Variants in SP100 observed in about 807,000 individuals in gnomAD.
The protein encoded by SP100 is SP100 nuclear body protein.
A neutral mutation model predicts 130.0 loss-of-function variants in SP100; 84 were observed. The observed-to-expected ratio is 0.65, with a 90% CI of 0.54 to 0.77. SP100 has a LOEUF of 0.77. Ranked by LOEUF, SP100 falls within the 30% of genes least tolerant of loss-of-function variation. The pLI is 0.00. For synonymous variants in SP100, 331 were observed against 351.7 expected (o/e 0.94, Z 0.66); for missense variants, 978 against 1,052.2 (o/e 0.93, Z 0.97).
At chr2:230,500,471 C>T (rs2150060030) in intron 19 of SP100, among the ~76,000 whole-genome samples, 1 of 152,308 alleles carries the variant, frequency 6.6e-6, no homozygotes, top group African/African-American at 2.4e-5. Context: ...GAAAGGAAAT[C>T]CCTGCAGTCC....
chr2:230,511,487 G>A (rs1227291559), intron 24 of SP100, among the ~76,000 whole-genome samples: 1 of 152,174 alleles, frequency 6.6e-6, no homozygotes, highest in Non-Finnish European at 1.5e-5. Flanking sequence ...CGATTAGGGA[G>A]AAGGATCAAA....
chr2:230,503,041 T>G (rs2067124759), intron 19 of SP100, 25 bp from the exon 20 acceptor site: 1 of 1,567,624 alleles, frequency 6.4e-7, no homozygotes, highest in Admixed American at 1.8e-5. Context: ...AAAGAGACAT[T>G]TATGTTGTTT....
intron 10 of SP100, among the ~76,000 whole-genome samples, chr2:230,463,057 T>C (rs2064749685): frequency 6.6e-6 from 1 of 152,230 alleles, no homozygotes; most frequent in Admixed American, 6.5e-5. Context: ...ATGGCACATT[T>C]AGTGATTTTT....
chr2:230,486,368 C>T (rs533129605), intron 17 of SP100, among the ~76,000 whole-genome samples: 1 of 152,292 alleles, frequency 6.6e-6, no homozygotes, highest in South Asian at 2.1e-4. Context: ...GTGTTCCCCT[C>T]CCTGTGTCCA....
chr2:230,499,801 C>T (rs1172964896), intron 19 of SP100, among the ~76,000 whole-genome samples: 1 of 152,058 alleles, frequency 6.6e-6, no homozygotes, highest in African/African-American at 2.4e-5. Context: ...GTCTCTCATT[C>T]CCTGACATTC....
At chr2:230,513,606 G>C (rs1323829520) in intron 24 of SP100, among the ~76,000 whole-genome samples, 1 of 152,070 alleles carries the variant, frequency 6.6e-6, no homozygotes, top group African/African-American at 2.4e-5. Context: ...TTGTCAATGG[G>C]AAGGCTTATT....
Position 230,444,503 on chromosome 2 carries a change from G to A in SP100, c.439+157G>A, listed in dbSNP as rs146444117. Among the ~76,000 whole-genome samples, 1,406 of 152,204 alleles carry A rather than the reference G, an allele frequency of 9.2e-3. 23 individuals are homozygous for A. The highest frequency in any genetic ancestry group is 0.032 in the African/African-American group (1,343 of 41,518). ...CATGAGTCTTCTCTTAGCTCATGGC[G>A]TATGGCTATGGTAAAACAAGTACCC... On this transcript the variant is annotated intron_variant, in intron 4 of 28. Coordinates refer to ENST00000340126, the MANE Select transcript of SP100 (RefSeq NM_001080391.2).
At chr2:230,432,649 T>C (rs2063133735) in intron 2 of SP100, among the ~76,000 whole-genome samples, 1 of 152,196 alleles carries the variant, frequency 6.6e-6, no homozygotes, top group Non-Finnish European at 1.5e-5. Flanking sequence ...TCATATGTCT[T>C]TTGGAGAAAT....
In SP100 at chr2:230,469,044, T is replaced by C. The variant is rs371055028; in HGVS notation, c.1293T>C (p.Ala431=). Residue 431 remains alanine (A), a splice_region_variant and synonymous_variant, in exon 14 of 29, where the codon GCT becomes GCC. Coordinates refer to ENST00000340126, the MANE Select transcript of SP100 (RefSeq NM_001080391.2). ...GALRSKHGEK[A]PMTSRSTSTW... ...ATTTGGTTTTCCTTTACTTTCTAGC[T>C]CCTATGACTTCTAGAAGTACATCTA... The C allele has an allele frequency of 6.3e-7, 1 of 1,583,952 alleles. No homozygotes were observed. Among genetic ancestry groups the C allele is most frequent in the Non-Finnish European group, 8.6e-7 (1 of 1,157,512 alleles).
At chr2:230,525,725 C>T (rs955098166) in intron 24 of SP100, among the ~76,000 whole-genome samples, 4 of 152,184 alleles carry the variant, frequency 2.6e-5, no homozygotes, top group African/African-American at 4.8e-5. Context: ...TCTTAGCAAC[C>T]GACAGACCAG....
In SP100 at chr2:230,442,924, C is replaced by G; in HGVS notation, c.108-13C>G. The stretch of plus-strand genomic sequence containing the variant: ...CTTGATGACCATTTTCACATGGTGT[C>G]CTTTTTCCCTAGGATGTTCACGGAA... On this transcript the variant is annotated splice_polypyrimidine_tract_variant and intron_variant, in intron 2 of 28. Transcript: ENST00000340126. 6.2e-7 allele frequency: 1 copy of G among 1,610,486 alleles called. No individual in the cohort carries two copies. Among genetic ancestry groups the G allele is most frequent in the Non-Finnish European group, 8.5e-7 (1 of 1,178,418 alleles).
chr2:230,428,952 A>G (rs1281908069), intron 2 of SP100, among the ~76,000 whole-genome samples: 1 of 152,214 alleles, frequency 6.6e-6, no homozygotes, highest in Non-Finnish European at 1.5e-5. Context: ...TTTGTTTTTT[A>G]ACTTTTATAC....
intron 18 of SP100, among the ~76,000 whole-genome samples, chr2:230,495,948 T>A (rs1225059215): frequency 1.3e-5 from 2 of 152,204 alleles, no homozygotes; most frequent in African/African-American, 4.8e-5. Flanking sequence ...TATATATGTT[T>A]ATGTAAATGA....
chr2:230,468,834 A>AAT (rs2065113187), intron 13 of SP100: 2 of 329,450 alleles, frequency 6.1e-6, no homozygotes, highest in African/African-American at 4.4e-5. Context: ...AAAAAAAAAA[A>AAT]AAAAAAAGTC....
intron 24 of SP100, among the ~76,000 whole-genome samples, chr2:230,532,533 TAATAAAAAAA>T (rs890965412): frequency 1.8e-5 from 2 of 113,930 alleles, no homozygotes; most frequent in African/African-American, 6.3e-5. Context: ...GATTAAGTAG[TAATAAAAAAA>T]AAAAAGATGT....
At chr2:230,502,775 G>A (rs1008855007) in intron 19 of SP100, among the ~76,000 whole-genome samples, 9 of 152,160 alleles carry the variant, frequency 5.9e-5, no homozygotes, top group African/African-American at 1.9e-4. Flanking sequence ...GACCTACAGG[G>A]CAAATCTATC....
intron 24 of SP100, among the ~76,000 whole-genome samples, chr2:230,513,673 G>A (rs1690745536): frequency 6.6e-6 from 1 of 152,226 alleles, no homozygotes; most frequent in Non-Finnish European, 1.5e-5. Flanking sequence ...AATCAGGCCA[G>A]TTTGCTGACA....
At chr2:230,523,847 T>G (rs1691287683) in intron 24 of SP100, among the ~76,000 whole-genome samples, 1 of 151,906 alleles carries the variant, frequency 6.6e-6, no homozygotes, top group South Asian at 2.1e-4. Context: ...AGGTAGAGGT[T>G]GCAGTAAGCT....
At chr2:230,455,978 C>T (rs2064256470) in intron 8 of SP100, among the ~76,000 whole-genome samples, 1 of 152,166 alleles carries the variant, frequency 6.6e-6, no homozygotes, top group Non-Finnish European at 1.5e-5. Flanking sequence ...ATTGTAGCTA[C>T]TATTTTTTGA....
Sources: allele counts gnomAD v4.1 joint callset (sites outside exome capture counted in the v4.1 genomes callset), GRCh38; gene constraint gnomAD v4.1.1; transcripts MANE v1.5; gene names NCBI Gene and HGNC (gene_info 2026-07-23, HGNC 2026-07-21).